The following CTIF variants were observed in gnomAD, a reference collection of about 807,000 sequenced individuals.
CTIF encodes CBP80/20-dependent translation initiation factor.
CTIF carries 21 observed loss-of-function variants against 66.0 expected under a neutral mutation model. The ratio of observed to expected loss-of-function variants is 0.32; its 90% CI spans 0.23 to 0.46. The LOEUF (loss-of-function observed/expected upper bound fraction) is 0.46. Among genes scored for constraint, CTIF ranks in the 20% least tolerant of loss-of-function variants. The pLI is 1.00. For synonymous variants in CTIF, 345 were observed against 326.4 expected (o/e 1.06, Z -0.62); for missense variants, 739 against 812.7 (o/e 0.91, Z 1.10).
chr18:48,820,693 C>G (rs1377995038), intron 10 of CTIF, among the ~76,000 whole-genome samples: 1 of 152,180 alleles, frequency 6.6e-6, no homozygotes, highest in Non-Finnish European at 1.5e-5. Flanking sequence ...CACGGCCTTT[C>G]CGCTGTCAAG....
At chr18:48,700,340 AG>A (rs2092066703) in intron 6 of CTIF, among the ~76,000 whole-genome samples, 2 of 152,246 alleles carry the variant, frequency 1.3e-5, no homozygotes, top group African/African-American at 4.8e-5. Context: ...TAAATTACCC[AG>A]TCTCAAGTAT....
At chr18:48,622,897 A>C (rs3786179) in intron 2 of CTIF, among the ~76,000 whole-genome samples, 12,409 of 152,216 alleles carry the variant, frequency 0.082, 577 homozygotes, top group South Asian at 0.15. Flanking sequence ...GCAGCAGGGC[A>C]TCCTCCAAAG....
intron 7 of CTIF, among the ~76,000 whole-genome samples, chr18:48,716,426 G>A (rs2092282568): frequency 6.6e-6 from 1 of 152,218 alleles, no homozygotes; most frequent in Admixed American, 6.5e-5. Flanking sequence ...GGATTTGGGA[G>A]ATGGGAGGGT....
intron 7 of CTIF, among the ~76,000 whole-genome samples, chr18:48,734,161 G>A (rs1425891814): frequency 4.6e-5 from 7 of 152,146 alleles, no homozygotes; most frequent in Non-Finnish European, 2.9e-5. Flanking sequence ...AAGAGACCTC[G>A]AGTCCCCACC....
At chr18:48,601,316 A>C (rs2090086570) in intron 1 of CTIF, among the ~76,000 whole-genome samples, 1 of 152,342 alleles carries the variant, frequency 6.6e-6, no homozygotes, top group African/African-American at 2.4e-5. Context: ...TACTGACCGC[A>C]TGTTTAGACA....
chr18:48,780,864 A>T (rs996980379), intron 9 of CTIF, among the ~76,000 whole-genome samples: 5 of 152,030 alleles, frequency 3.3e-5, no homozygotes, highest in African/African-American at 1.2e-4. Flanking sequence ...GGGCTTAAGG[A>T]GGGGGGCGTG....
At chr18:48,676,606 G>A (rs1019157928) in intron 6 of CTIF, among the ~76,000 whole-genome samples, 4 of 152,080 alleles carry the variant, frequency 2.6e-5, no homozygotes, top group African/African-American at 9.7e-5. Context: ...CACAACAGTG[G>A]ACGCCACCCG....
chr18:48,694,075 G>T (rs1221611217), intron 6 of CTIF, among the ~76,000 whole-genome samples: 1 of 152,210 alleles, frequency 6.6e-6, no homozygotes, highest in East Asian at 1.9e-4. Context: ...ATAAGTCCTG[G>T]TTGGCTTCCC....
intron 5 of CTIF, among the ~76,000 whole-genome samples, chr18:48,669,794 T>TAC (rs2091495314): frequency 5.3e-5 from 1 of 18,878 alleles, no homozygotes; most frequent in Admixed American, 4.1e-4. Flanking sequence ...GCTAAACATT[T>TAC]ATATATATAT....
At chr18:48,784,145 AC>A (rs1338457799) in intron 9 of CTIF, among the ~76,000 whole-genome samples, 1 of 152,208 alleles carries the variant, frequency 6.6e-6, no homozygotes, top group Non-Finnish European at 1.5e-5. Context: ...TGCAGACAGT[AC>A]CCAGTAACTC....
chr18:48,857,491 G>A (rs1305097515), intron 10 of CTIF, 97 bp from the exon 11 acceptor site: 2 of 1,073,562 alleles, frequency 1.9e-6, no homozygotes. Context: ...GCCGCATCAG[G>A]GCTGGGGCTG....
At chr18:48,773,221 A>G (rs1364122488) in intron 9 of CTIF, among the ~76,000 whole-genome samples, 3 of 152,220 alleles carry the variant, frequency 2.0e-5, no homozygotes, top group African/African-American at 7.2e-5. Flanking sequence ...GAGAGACTTG[A>G]GGCCTGGAGA....
At chr18:48,588,889 GCCAC>G (rs2089828810) in intron 1 of CTIF, among the ~76,000 whole-genome samples, 5 of 150,194 alleles carry the variant, frequency 3.3e-5, no homozygotes, top group Admixed American at 6.6e-5. Flanking sequence ...TGATTGTTCT[GCCAC>G]CTCCTCAGCC....
In CTIF at chr18:48,608,675, A is replaced by G. The variant is rs1379952774; in HGVS notation, c.-28-10863A>G. Among the ~76,000 whole-genome samples, 4 of 152,322 alleles carry G rather than the reference A, an allele frequency of 2.6e-5. No individual in the cohort carries two copies. The East Asian group carries it at 5.8e-4, about 22-fold the overall frequency. On this transcript the variant is annotated intron_variant, in intron 1 of 11. Coordinates refer to ENST00000256413, the MANE Select transcript of CTIF (RefSeq NM_014772.3). Reference sequence around the variant, plus strand: ...AGTTCTGCCTTGCAACCATAGCACAAGACCACCTGGACAGGCCTGCAAGGC... The same window carrying G: ...AGTTCTGCCTTGCAACCATAGCACAGGACCACCTGGACAGGCCTGCAAGGC...
chr18:48,735,048 C>A (rs1287284460), intron 7 of CTIF, among the ~76,000 whole-genome samples: 1 of 151,962 alleles, frequency 6.6e-6, no homozygotes, highest in Non-Finnish European at 1.5e-5. Flanking sequence ...TATGTATATG[C>A]ATGTGTTATG....
intron 2 of CTIF, chr18:48,621,397 G>T (rs758696767): frequency 1.9e-5 from 4 of 212,302 alleles, no homozygotes; most frequent in Middle Eastern, 3.4e-3. Flanking sequence ...AGGAGGCCAG[G>T]GTGCTGGAGC....
intron 9 of CTIF, among the ~76,000 whole-genome samples, chr18:48,782,079 C>T (rs1051293462): frequency 1.3e-5 from 2 of 151,862 alleles, no homozygotes; most frequent in African/African-American, 4.8e-5. Context: ...AGGATCAAGA[C>T]TTAGGGACCC....
chr18:48,842,615 G>C (rs769692471), intron 10 of CTIF, among the ~76,000 whole-genome samples: 1 of 152,214 alleles, frequency 6.6e-6, no homozygotes, highest in African/African-American at 2.4e-5. Context: ...GCTGGCCTAG[G>C]TGACCCCACA....
At chr18:48,832,057 A>AGCACCAGGCAGCAAAGGG in intron 10 of CTIF, among the ~76,000 whole-genome samples, 1 of 152,172 alleles carries the variant, frequency 6.6e-6, no homozygotes, top group Non-Finnish European at 1.5e-5. Flanking sequence ...AGCCTCTCAT[A>AGCACCAGGCAGCAAAGGG]GCACCAGGCA....
Sources: gnomAD v4.1 joint callset for allele counts (sites outside exome capture counted in the v4.1 genomes callset) on GRCh38, gnomAD v4.1.1 for gene constraint, MANE v1.5 for transcripts, NCBI Gene and HGNC (gene_info 2026-07-23, HGNC 2026-07-21) for gene names.